CTNND2: variants seen among roughly 807,000 people sequenced by gnomAD.
The protein encoded by CTNND2 is catenin delta 2.
Under a neutral mutation model 144.4 loss-of-function variants are expected in CTNND2, and 22 were observed. The observed-to-expected ratio is 0.15, with a 90% confidence interval of 0.11 to 0.22. The LOEUF (loss-of-function observed/expected upper bound fraction) is 0.22, where lower values mean the gene tolerates loss of function less well. Ranked by LOEUF, CTNND2 falls within the 10% of genes least tolerant of loss-of-function variation. The pLI is 1.00. For missense variants in CTNND2, 1,353 were observed against 1,618.8 expected (o/e 0.84, Z 2.82); for synonymous variants, 751 against 695.6 (o/e 1.08, Z -1.25).
At chr5:11,718,001 C>A (rs1786452230) in intron 2 of CTNND2, among the ~76,000 whole-genome samples, 1 of 152,080 alleles carries the variant, frequency 6.6e-6, no homozygotes, top group Non-Finnish European at 1.5e-5. Context: ...ATAAAATAGT[C>A]CAATGGCAAT....
chr5:11,284,772 T>C (rs566009241), intron 9 of CTNND2, among the ~76,000 whole-genome samples: 3 of 152,234 alleles, frequency 2.0e-5, no homozygotes. Context: ...CTTTTGGGTA[T>C]GCACCCAATA....
At chr5:11,359,212 C>A (rs995392748) in intron 8 of CTNND2, among the ~76,000 whole-genome samples, 3 of 152,198 alleles carry the variant, frequency 2.0e-5, no homozygotes, top group African/African-American at 2.4e-5. Context: ...TTTTGACAAG[C>A]CTCATCTCAC....
chr5:11,532,395 T>A (rs1444826779), intron 3 of CTNND2, among the ~76,000 whole-genome samples: 1 of 149,954 alleles, frequency 6.7e-6, no homozygotes, highest in African/African-American at 2.4e-5. Context: ...CTGAATAATG[T>A]TTATTGGAAA....
intron 1 of CTNND2, among the ~76,000 whole-genome samples, chr5:11,886,742 T>C (rs1253479170): frequency 1.3e-5 from 2 of 152,180 alleles, no homozygotes; most frequent in Non-Finnish European, 2.9e-5. Context: ...CTTCAGATTA[T>C]CAGTAAGATG....
intron 2 of CTNND2, among the ~76,000 whole-genome samples, chr5:11,662,339 C>G (rs11745539): frequency 6.6e-6 from 1 of 150,400 alleles, no homozygotes; most frequent in South Asian, 2.1e-4. Context: ...CACACAATCA[C>G]GATCACAAGA....
At chr5:11,654,991 G>A (rs895638257) in intron 2 of CTNND2, among the ~76,000 whole-genome samples, 1 of 152,008 alleles carries the variant, frequency 6.6e-6, no homozygotes, top group Non-Finnish European at 1.5e-5. Flanking sequence ...ATAAAAAATT[G>A]TCAACGGTGG....
intron 1 of CTNND2, among the ~76,000 whole-genome samples, chr5:11,773,807 T>C (rs1214236254): frequency 2.5e-4 from 4 of 16,316 alleles, no homozygotes; most frequent in Non-Finnish European, 3.5e-4. Context: ...GGAGACTCCA[T>C]CTCAAAAAAA....
intron 3 of CTNND2, among the ~76,000 whole-genome samples, chr5:11,562,957 G>A (rs1581505037): frequency 6.6e-6 from 1 of 152,120 alleles, no homozygotes; most frequent in Non-Finnish European, 1.5e-5. Context: ...TCTCTGTTTT[G>A]GGAGGCTCAC....
chr5:10,990,582 A>T (rs1738564668), intron 19 of CTNND2, among the ~76,000 whole-genome samples: 1 of 152,224 alleles, frequency 6.6e-6, no homozygotes, highest in South Asian at 2.1e-4. Flanking sequence ...TCATGAAGGG[A>T]CAATATTTTA....
chr5:11,282,680 A>G, intron 9 of CTNND2, among the ~76,000 whole-genome samples: 1 of 152,222 alleles, frequency 6.6e-6, no homozygotes, highest in East Asian at 1.9e-4. Flanking sequence ...TTTTTGAATC[A>G]ATTAATTCTG....
intron 3 of CTNND2, among the ~76,000 whole-genome samples, chr5:11,495,562 A>C (rs941047972): frequency 2.0e-5 from 3 of 152,200 alleles, no homozygotes; most frequent in African/African-American, 7.2e-5. Context: ...CCTTGAGTCC[A>C]GATACAAGCT....
chr5:10,987,249 G>A (rs1284761914), intron 20 of CTNND2, among the ~76,000 whole-genome samples: 1 of 152,208 alleles, frequency 6.6e-6, no homozygotes, highest in African/African-American at 2.4e-5. Flanking sequence ...GAGGTATGGA[G>A]AGCTTGGAGG....
At chr5:11,734,050 G>A (rs1226484190) in intron 1 of CTNND2, among the ~76,000 whole-genome samples, 5 of 152,116 alleles carry the variant, frequency 3.3e-5, no homozygotes, top group South Asian at 2.1e-4. Context: ...ACCCTCCCAC[G>A]ATGTGAGGGC....
chr5:11,632,731 C>G (rs1561639754), intron 2 of CTNND2, among the ~76,000 whole-genome samples: 1 of 152,036 alleles, frequency 6.6e-6, no homozygotes, highest in African/African-American at 2.4e-5. Flanking sequence ...GGAAACCATG[C>G]TTTAAACCAT....
intron 16 of CTNND2, among the ~76,000 whole-genome samples, chr5:11,067,031 G>A (rs1747694641): frequency 1.3e-5 from 2 of 152,188 alleles, no homozygotes; most frequent in South Asian, 2.1e-4. Flanking sequence ...AACACATGCT[G>A]TCAGTCAGGG....
intron 11 of CTNND2, among the ~76,000 whole-genome samples, chr5:11,189,649 A>C (rs1736040406): frequency 6.6e-6 from 1 of 152,196 alleles, no homozygotes. Context: ...GTTACTGGTA[A>C]GGTGTCCAGT....
rs1469639834 is a variant in CTNND2, at chr5:11,171,983, T to C, written c.1976-12224A>G. Among the ~76,000 whole-genome samples the C allele has an allele frequency of 7.9e-5, 12 of 152,228 alleles. 1 individual carries two copies. On this transcript the variant is annotated intron_variant, in intron 11 of 21. Transcript: ENST00000304623. Reference sequence around the variant, plus strand: ...GTAAAAAAGTTCAACAACAAAATTATACTTACATTCGGACAATTGTGGTCT... The same window carrying C: ...GTAAAAAAGTTCAACAACAAAATTACACTTACATTCGGACAATTGTGGTCT...
At chr5:11,217,194 G>A (rs1034150501) in intron 10 of CTNND2, among the ~76,000 whole-genome samples, 1 of 152,184 alleles carries the variant, frequency 6.6e-6, no homozygotes, top group Non-Finnish European at 1.5e-5. Context: ...GTGGCAGATT[G>A]CACAATGGAT....
At chr5:11,884,449 CTTGT>C (rs1256113114) in intron 1 of CTNND2, among the ~76,000 whole-genome samples, 5 of 152,148 alleles carry the variant, frequency 3.3e-5, no homozygotes, top group African/African-American at 1.2e-4. Context: ...TTCCCCTTTG[CTTGT>C]TTTTGTCAGG....
Sources: allele counts gnomAD v4.1 joint callset (sites outside exome capture counted in the v4.1 genomes callset), GRCh38; gene constraint gnomAD v4.1.1; transcripts MANE v1.5; gene names NCBI Gene and HGNC (gene_info 2026-07-23, HGNC 2026-07-21).